Variants in TNR observed in about 807,000 individuals in gnomAD.
TNR encodes tenascin R.
A neutral mutation model predicts 150.4 loss-of-function variants in TNR; 45 were observed. The ratio of observed to expected loss-of-function variants is 0.30; its 90% CI spans 0.24 to 0.38. The LOEUF (loss-of-function observed/expected upper bound fraction) is 0.38. Ranked by LOEUF, TNR falls within the 10% of genes least tolerant of loss-of-function variation. The pLI is 1.00. For synonymous variants in TNR, 687 were observed against 678.4 expected (o/e 1.01, Z -0.20); for missense variants, 1,544 against 1,759.1 (o/e 0.88, Z 2.19).
intron 1 of TNR, among the ~76,000 whole-genome samples, chr1:175,573,185 A>G (rs1232127105): frequency 6.6e-6 from 1 of 152,232 alleles, no homozygotes; most frequent in African/African-American, 2.4e-5. Context: ...TACACCCTCC[A>G]GCCACACTCC....
chr1:175,412,948 C>G (rs576903099), intron 2 of TNR, among the ~76,000 whole-genome samples: 107 of 152,222 alleles, frequency 7.0e-4, no homozygotes, highest in Non-Finnish European at 1.2e-3. Context: ...TCACTTCTGG[C>G]TTTATTCTCT....
At chr1:175,365,752 T>C (rs1162012159) in intron 11 of TNR, 123 bp downstream of exon 11, 2 of 1,412,644 alleles carry the variant, frequency 1.4e-6, no homozygotes, top group East Asian at 2.3e-5. Context: ...TCTATCCTTT[T>C]CTACCCACCT....
chr1:175,457,851 C>T (rs936931115), intron 2 of TNR, among the ~76,000 whole-genome samples: 1 of 152,176 alleles, frequency 6.6e-6, no homozygotes, highest in African/African-American at 2.4e-5. Flanking sequence ...AGTATTATTT[C>T]CCCACTTCTT....
intron 1 of TNR, among the ~76,000 whole-genome samples, chr1:175,672,423 T>C (rs1284039726): frequency 6.6e-6 from 1 of 152,222 alleles, no homozygotes; most frequent in Non-Finnish European, 1.5e-5. Flanking sequence ...ATGTGCTGAC[T>C]TCCACCATTT....
intron 1 of TNR, among the ~76,000 whole-genome samples, chr1:175,546,616 G>A (rs774879654): frequency 5.3e-5 from 8 of 152,156 alleles, no homozygotes; most frequent in African/African-American, 7.2e-5. Flanking sequence ...CAAGAGTGGC[G>A]TGCCTTTCAG....
chr1:175,552,983 A>C (rs1481005340), intron 1 of TNR, among the ~76,000 whole-genome samples: 1 of 152,188 alleles, frequency 6.6e-6, no homozygotes, highest in Non-Finnish European at 1.5e-5. Flanking sequence ...AGCCCTCTTG[A>C]TGAGAACCAT....
At chr1:175,688,394 C>T (rs1666262125) in intron 1 of TNR, among the ~76,000 whole-genome samples, 3 of 152,190 alleles carry the variant, frequency 2.0e-5, no homozygotes, top group African/African-American at 7.2e-5. Context: ...CTTGCTATTC[C>T]GTTTTGTTGT....
intron 1 of TNR, among the ~76,000 whole-genome samples, chr1:175,588,406 A>C (rs1464341269): frequency 6.6e-6 from 1 of 152,256 alleles, no homozygotes; most frequent in African/African-American, 2.4e-5. Context: ...AAGTGAACAC[A>C]TCTTTCAGAC....
chr1:175,418,967 T>C (rs936961793), intron 2 of TNR, among the ~76,000 whole-genome samples: 12 of 152,208 alleles, frequency 7.9e-5, no homozygotes, highest in African/African-American at 2.9e-4. Flanking sequence ...ATGTCTGCAG[T>C]TGCAATTGGC....
intron 1 of TNR, among the ~76,000 whole-genome samples, chr1:175,541,295 T>C (rs1660492274): frequency 6.6e-6 from 1 of 152,154 alleles, no homozygotes; most frequent in Admixed American, 6.5e-5. Flanking sequence ...GGTCAATAAG[T>C]ATTAAACTAA....
intron 1 of TNR, among the ~76,000 whole-genome samples, chr1:175,588,082 G>A (rs1215969434): frequency 6.6e-6 from 1 of 152,222 alleles, no homozygotes; most frequent in Non-Finnish European, 1.5e-5. Flanking sequence ...AGTGTGAAGA[G>A]GTGAAGTTCA....
At chr1:175,700,749 C>A (rs1571767264) in intron 1 of TNR, among the ~76,000 whole-genome samples, 1 of 152,300 alleles carries the variant, frequency 6.6e-6, no homozygotes, top group Non-Finnish European at 1.5e-5. Flanking sequence ...ATTTGTCACT[C>A]CTCTGCTGAC....
At chr1:175,359,790 G>A in intron 14 of TNR, 59 bp from the exon 15 acceptor site, 1 of 1,549,312 alleles carries the variant, frequency 6.5e-7, no homozygotes, top group Non-Finnish European at 8.7e-7. Flanking sequence ...GAAATGCAGG[G>A]AATGATCTCA....
At chr1:175,623,874 T>A (rs1664060204) in intron 1 of TNR, among the ~76,000 whole-genome samples, 1 of 152,266 alleles carries the variant, frequency 6.6e-6, no homozygotes, top group East Asian at 1.9e-4. Flanking sequence ...TGGTTACAGG[T>A]GAAGCCAAGG....
intron 15 of TNR, among the ~76,000 whole-genome samples, chr1:175,358,759 A>G (rs1651446868): frequency 6.6e-6 from 1 of 152,228 alleles, no homozygotes; most frequent in Admixed American, 6.5e-5. Flanking sequence ...GTGTAAGGTG[A>G]ACAAGCATGA....
intron 9 of TNR, among the ~76,000 whole-genome samples, chr1:175,369,955 G>A (rs941100077): frequency 1.3e-5 from 2 of 152,158 alleles, no homozygotes; most frequent in African/African-American, 4.8e-5. Flanking sequence ...TCCCAGGAAT[G>A]CAGTCCCGAA....
intron 9 of TNR, among the ~76,000 whole-genome samples, chr1:175,377,974 G>A (rs1270233650): frequency 1.3e-5 from 2 of 152,122 alleles, no homozygotes; most frequent in Non-Finnish European, 2.9e-5. Flanking sequence ...GGCCCCAGGA[G>A]TGGTGTTGCC....
intron 1 of TNR, among the ~76,000 whole-genome samples, chr1:175,619,993 A>G (rs2101863570): frequency 6.6e-6 from 1 of 152,312 alleles, no homozygotes; most frequent in Non-Finnish European, 1.5e-5. Flanking sequence ...AATAAAACCT[A>G]CCTCACCAAT....
intron 1 of TNR, among the ~76,000 whole-genome samples, chr1:175,610,927 G>GT (rs147546078): frequency 0.012 from 1,781 of 152,312 alleles, 26 homozygotes; most frequent in African/African-American, 0.035. Context: ...CCACAGTAGA[G>GT]TTTTTTACTA....
Sources: allele counts gnomAD v4.1 joint callset (sites outside exome capture counted in the v4.1 genomes callset), GRCh38; gene constraint gnomAD v4.1.1; transcripts MANE v1.5; gene names NCBI Gene and HGNC (gene_info 2026-07-23, HGNC 2026-07-21).